UGGT1: variants seen among roughly 807,000 people sequenced by gnomAD.
The protein encoded by UGGT1 is UDP-glucose glycoprotein glucosyltransferase 1.
In UGGT1, 107 loss-of-function variants were observed where a neutral mutation model predicts 203.9. The observed-to-expected ratio is 0.52, with a 90% CI of 0.45 to 0.62. The LOEUF is 0.62. Among genes scored for constraint, UGGT1 ranks in the 20% least tolerant of loss-of-function variants. The probability of loss-of-function intolerance (pLI) is 0.00; values close to 1 mark genes in which losing one functional copy is unlikely to be tolerated. For missense variants in UGGT1, 1,673 were observed against 1,867.2 expected, an observed-to-expected ratio of 0.90 and a Z score of 1.92; for synonymous variants, 628 against 653.5, an observed-to-expected ratio of 0.96 and a Z score of 0.59.
At chr2:128,092,393 T>C (rs921438943) in intron 1 of UGGT1, among the ~76,000 whole-genome samples, 2 of 151,432 alleles carry the variant, frequency 1.3e-5, no homozygotes, top group Non-Finnish European at 2.9e-5. Context: ...CTTGAACTCC[T>C]GGCCACATGA....
At chr2:128,120,535 A>T (rs1688327782) in intron 9 of UGGT1, 79 bp downstream of exon 9, 2 of 1,098,720 alleles carry the variant, frequency 1.8e-6, no homozygotes, top group South Asian at 2.6e-5. Flanking sequence ...ATTTGAATTT[A>T]ATTGTATGTA....
intron 35 of UGGT1, 38 bp from the exon 36 acceptor site, chr2:128,180,852 A>G: frequency 6.3e-7 from 1 of 1,586,496 alleles, no homozygotes; most frequent in Non-Finnish European, 8.6e-7. Flanking sequence ...TCTTAATCAG[A>G]AGAAATGATT....
At chr2:128,183,363 T>C (rs1432228909) in intron 37 of UGGT1, among the ~76,000 whole-genome samples, 5 of 152,248 alleles carry the variant, frequency 3.3e-5, no homozygotes, top group Admixed American at 2.0e-4. Flanking sequence ...CAGGATATCA[T>C]TGAATAATGG....
intron 2 of UGGT1, among the ~76,000 whole-genome samples, chr2:128,100,351 C>T (rs1401436861): frequency 6.7e-6 from 1 of 149,926 alleles, no homozygotes. Flanking sequence ...GATTTACTAT[C>T]ACTTTCTGAA....
At chr2:128,155,086 G>A (rs756320398) in intron 19 of UGGT1, among the ~76,000 whole-genome samples, 2 of 152,126 alleles carry the variant, frequency 1.3e-5, no homozygotes, top group African/African-American at 4.8e-5. Flanking sequence ...GTTTTCTTAC[G>A]TATTTTCTCT....
At chr2:128,111,742 G>T (rs1001590738) in intron 5 of UGGT1, among the ~76,000 whole-genome samples, 1 of 151,844 alleles carries the variant, frequency 6.6e-6, no homozygotes, top group South Asian at 2.1e-4. Flanking sequence ...TGATCCGCCC[G>T]CCTCGGCCTC....
At chr2:128,110,067 T>G (rs1687776205) in intron 5 of UGGT1, among the ~76,000 whole-genome samples, 1 of 152,198 alleles carries the variant, frequency 6.6e-6, no homozygotes, top group African/African-American at 2.4e-5. Flanking sequence ...AGGAATACTG[T>G]GTGTATTAAA....
At chr2:128,176,360 C>T (rs1022763481) in intron 31 of UGGT1, among the ~76,000 whole-genome samples, 3 of 141,892 alleles carry the variant, frequency 2.1e-5, no homozygotes, top group East Asian at 4.1e-4. Context: ...TGCATTGAGC[C>T]GAGATTGCTC....
chr2:128,144,587 CAAAG>C (rs1689589616), intron 17 of UGGT1, among the ~76,000 whole-genome samples: 1 of 152,116 alleles, frequency 6.6e-6, no homozygotes, highest in Admixed American at 6.6e-5. Flanking sequence ...GTCGAGATGT[CAAAG>C]AACAGAATTA....
At chr2:128,120,302 A>G (rs902871734) in intron 8 of UGGT1, 54 bp from the exon 9 acceptor site, 1 of 1,549,738 alleles carries the variant, frequency 6.5e-7, no homozygotes, top group Admixed American at 1.9e-5. Flanking sequence ...ACTTCTTCTT[A>G]TGCTCCGGGA....
At chr2:128,100,018 A>AACCCC (rs1553431313) in intron 2 of UGGT1, among the ~76,000 whole-genome samples, 3 of 34,912 alleles carry the variant, frequency 8.6e-5, no homozygotes, top group Admixed American at 3.9e-4. Flanking sequence ...GAGATTTACA[A>AACCCC]CCCCCCCCCC....
intron 31 of UGGT1, among the ~76,000 whole-genome samples, chr2:128,176,048 A>G (rs533808937): frequency 6.4e-4 from 98 of 152,366 alleles, no homozygotes; most frequent in African/African-American, 2.3e-3. Context: ...TACAGGGCCT[A>G]TTGTTGACTG....
intron 26 of UGGT1, among the ~76,000 whole-genome samples, chr2:128,167,230 C>T (rs1690842029): frequency 6.6e-6 from 1 of 152,194 alleles, no homozygotes; most frequent in African/African-American, 2.4e-5. Context: ...GCAAAGACCT[C>T]TTCCCTTTTC....
intron 11 of UGGT1, among the ~76,000 whole-genome samples, chr2:128,123,570 T>C (rs1026339981): frequency 6.6e-6 from 1 of 152,226 alleles, no homozygotes; most frequent in African/African-American, 2.4e-5. Flanking sequence ...TGGTACTTTA[T>C]TTTTCACGTT....
rs754360256 is a variant in UGGT1 at position 128,133,147 on chromosome 2, A to C, written c.1384A>C (p.Asn462His). The part of the protein sequence containing the change: ...DIRSPAISWV[N>H]NLEVDSRYNS... ...GTTGTGTTATTTTTTGTAGTGGGTC[A>C]ACAACCTGGAGGTTGATAGCAGATA... The change falls in exon 14 of 41, where the codon AAC (asparagine) becomes CAC (histidine). Residue 462 changes from asparagine (N) to histidine (H), a missense_variant. Asn to His is a moderately conservative substitution (Grantham distance 68). Transcript: ENST00000259253. The C allele has an allele frequency of 1.2e-6, 2 of 1,613,998 alleles. No individual in the cohort carries two copies. The highest frequency in any genetic ancestry group is 3.3e-5 in the Admixed American group (2 of 60,008).
intron 2 of UGGT1, among the ~76,000 whole-genome samples, 189 bp from the exon 3 acceptor site, chr2:128,103,743 A>G (rs4407197): frequency 0.31 from 46,721 of 151,372 alleles, 8,604 homozygotes; most frequent in Non-Finnish European, 0.4. Context: ...GTTATTAATA[A>G]CTAATAAGAT....
chr2:128,152,086 G>T (rs149938998), intron 18 of UGGT1, among the ~76,000 whole-genome samples: 2 of 152,304 alleles, frequency 1.3e-5, no homozygotes, highest in African/African-American at 4.8e-5. Flanking sequence ...CTCTGGAGAT[G>T]TAAGTTTATT....
At chr2:128,096,713 C>T (rs1194623381) in intron 1 of UGGT1, among the ~76,000 whole-genome samples, 1 of 152,162 alleles carries the variant, frequency 6.6e-6, no homozygotes, top group Non-Finnish European at 1.5e-5. Context: ...ATAGGATTTC[C>T]ATATCTTTTT....
intron 17 of UGGT1, among the ~76,000 whole-genome samples, chr2:128,143,813 A>G (rs181964431): frequency 6.6e-6 from 1 of 152,242 alleles, no homozygotes; most frequent in Non-Finnish European, 1.5e-5. Flanking sequence ...CTAACAATCT[A>G]ATGACTAATG....
Sources: gnomAD v4.1 joint callset for allele counts (sites outside exome capture counted in the v4.1 genomes callset) on GRCh38, gnomAD v4.1.1 for gene constraint, MANE v1.5 for transcripts, NCBI Gene and HGNC (gene_info 2026-07-23, HGNC 2026-07-21) for gene names.